DCUN1D4: variants seen among roughly 807,000 people sequenced by gnomAD.
DCUN1D4 encodes the protein defective in cullin neddylation 1 domain containing 4.
A neutral mutation model predicts 47.9 loss-of-function variants in DCUN1D4; 22 were observed. The ratio of observed to expected loss-of-function variants is 0.46; its 90% CI spans 0.33 to 0.66. DCUN1D4 has a LOEUF of 0.66. Ranked by LOEUF, DCUN1D4 falls within the 30% of genes least tolerant of loss-of-function variation. DCUN1D4 has a pLI of 0.02. For missense variants in DCUN1D4, 301 were observed against 340.8 expected (o/e 0.88, Z 0.92); for synonymous variants, 121 against 112.2 (o/e 1.08, Z -0.50).
intron 1 of DCUN1D4, among the ~76,000 whole-genome samples, chr4:51,855,549 G>C (rs903688559): frequency 1.3e-5 from 2 of 152,184 alleles, no homozygotes; most frequent in Non-Finnish European, 2.9e-5. Flanking sequence ...GCCTGTGAAC[G>C]TCAAGGGTCA....
chr4:51,846,570 C>T (rs190654534), intron 1 of DCUN1D4, among the ~76,000 whole-genome samples: 2 of 152,240 alleles, frequency 1.3e-5, no homozygotes, highest in Non-Finnish European at 2.9e-5. Flanking sequence ...CAATCATCAT[C>T]TGCTAATTAT....
intron 8 of DCUN1D4, chr4:51,908,986 G>A: frequency 4.4e-6 from 2 of 456,324 alleles, no homozygotes; most frequent in Admixed American, 2.3e-5. Context: ...GTAAGTGAGT[G>A]CTGTTCAGCT....
At chr4:51,864,611 A>G (rs990744807) in intron 3 of DCUN1D4, among the ~76,000 whole-genome samples, 1 of 152,152 alleles carries the variant, frequency 6.6e-6, no homozygotes, top group African/African-American at 2.4e-5. Context: ...TTCCTCACTG[A>G]TGGTGCCTCT....
intron 3 of DCUN1D4, among the ~76,000 whole-genome samples, chr4:51,866,012 T>C (rs1340363339): frequency 6.6e-6 from 1 of 152,100 alleles, no homozygotes; most frequent in Non-Finnish European, 1.5e-5. Flanking sequence ...TTCTGCTCAT[T>C]TCAGGCTCTC....
At chr4:51,843,400 C>T in intron 1 of DCUN1D4, 133 bp downstream of exon 1, 1 of 1,299,464 alleles carries the variant, frequency 7.7e-7, no homozygotes, top group South Asian at 1.9e-5. Context: ...ACCACCCCTT[C>T]CCCTCCCGGG....
chr4:51,891,584 A>T (rs1419788267), intron 6 of DCUN1D4, among the ~76,000 whole-genome samples, 176 bp from the exon 7 acceptor site: 4 of 152,178 alleles, frequency 2.6e-5, no homozygotes, highest in Admixed American at 2.6e-4. Flanking sequence ...ACTTTTTTAG[A>T]TGTTTGCCAA....
intron 3 of DCUN1D4, among the ~76,000 whole-genome samples, chr4:51,871,549 T>C (rs1274708504): frequency 1.3e-5 from 2 of 152,164 alleles, no homozygotes; most frequent in Admixed American, 6.5e-5. Flanking sequence ...GTTTTGCACA[T>C]GTGGAAGGGG....
chr4:51,906,053 C>T (rs1260758183), intron 8 of DCUN1D4, among the ~76,000 whole-genome samples: 1 of 152,012 alleles, frequency 6.6e-6, no homozygotes, highest in African/African-American at 2.4e-5. Context: ...CTGGAGAGGT[C>T]GCCTTTTCAC....
chr4:51,863,655 A>G lies in DCUN1D4; in HGVS notation c.97-15A>G, dbSNP rs1725442002. 5.0e-6 allele frequency: 8 copies of G among 1,613,092 alleles called. No individual in the cohort carries two copies. Among genetic ancestry groups the G allele is most frequent in the Non-Finnish European group, 5.9e-6 (7 of 1,179,696 alleles). ...GTATGTGATTTCTTCGTAATAACGA[A>G]CATATTTCTTTCAGAACCTAACAGA... On this transcript the variant is annotated splice_polypyrimidine_tract_variant and intron_variant, in intron 2 of 10. Transcript: ENST00000334635.
chr4:51,844,592 T>C (rs925674814), intron 1 of DCUN1D4, among the ~76,000 whole-genome samples: 1 of 151,724 alleles, frequency 6.6e-6, no homozygotes. Flanking sequence ...AATTTCTGGC[T>C]ATCAGGTGTG....
rs927202735 is a variant in DCUN1D4 at position 51,915,152 on chromosome 4, A to G, written c.*1568A>G. 1 of 152,510 alleles carries G rather than the reference A, an allele frequency of 6.6e-6. No homozygotes were observed. The highest frequency in any genetic ancestry group is 2.4e-5 in the African/African-American group (1 of 41,420). 9.4% of individuals were successfully genotyped at this position (152,510 alleles called of 1,614,324 possible). On this transcript the variant is annotated 3_prime_UTR_variant, in exon 11 of 11. Transcript: ENST00000334635. ...ACAGACAGTGCTACTCTTGACCACT[A>G]TTTTACCATTTCTTTGCAAACAGTG...
chr4:51,884,447 AAATGTTATGGG>A (rs1433296901), intron 5 of DCUN1D4: 1 of 152,246 alleles, frequency 6.6e-6, no homozygotes, highest in Non-Finnish European at 1.5e-5. Flanking sequence ...TGTGTCTAAC[AAATGTTATGGG>A]AATGAAATGG....
intron 1 of DCUN1D4, among the ~76,000 whole-genome samples, chr4:51,848,901 A>G (rs914606761): frequency 6.6e-6 from 1 of 152,204 alleles, no homozygotes; most frequent in Non-Finnish European, 1.5e-5. Context: ...GCCCTCTTCA[A>G]ATAGCATTAC....
chr4:51,867,954 C>T (rs760624439), intron 3 of DCUN1D4, among the ~76,000 whole-genome samples: 22 of 152,270 alleles, frequency 1.4e-4, no homozygotes, highest in Non-Finnish European at 3.2e-4. Context: ...CTCTCAGCCC[C>T]CCTCGGCTTC....
intron 8 of DCUN1D4, among the ~76,000 whole-genome samples, chr4:51,900,319 CTAT>C (rs916121551): frequency 2.0e-5 from 3 of 151,994 alleles, no homozygotes; most frequent in African/African-American, 7.3e-5. Flanking sequence ...ATGCATTTTC[CTAT>C]TATTACAACC....
chr4:51,896,169 G>GTT (rs1215735060), intron 7 of DCUN1D4, among the ~76,000 whole-genome samples: 8 of 152,266 alleles, frequency 5.3e-5, no homozygotes, highest in Admixed American at 5.2e-4. Context: ...TATTACTTGT[G>GTT]TTTTTTATGT....
chr4:51,861,574 G>A (rs907341981), intron 1 of DCUN1D4, among the ~76,000 whole-genome samples: 2 of 152,196 alleles, frequency 1.3e-5, no homozygotes, highest in African/African-American at 4.8e-5. Context: ...GCATAGCCTG[G>A]AGAGTTAGAA....
In DCUN1D4 at chr4:51,881,772, T is replaced by C. The variant is rs1728676052; in HGVS notation, c.343+3918T>C. Among the ~76,000 whole-genome samples the C allele has an allele frequency of 2.0e-5, 3 of 152,148 alleles. No individual in the cohort carries two copies. In the South Asian group the frequency reaches 6.2e-4, roughly 32 times the overall value. On this transcript the variant is annotated intron_variant, in intron 5 of 10. Transcript: ENST00000334635. Reference sequence around the variant, plus strand: ...TGTTAGCTTGCTTGACAGAGGTAATTACCTTAATTCTACAGGTAAATTTAG... The same window carrying C: ...TGTTAGCTTGCTTGACAGAGGTAATCACCTTAATTCTACAGGTAAATTTAG...
upstream of DCUN1D4, among the ~76,000 whole-genome samples, chr4:51,842,229 C>G (rs938874365): frequency 6.6e-6 from 1 of 152,100 alleles, no homozygotes; most frequent in Admixed American, 6.5e-5. Flanking sequence ...TAGATGCCGC[C>G]GGGGGTCTTT....
Sources: gnomAD v4.1 joint callset for allele counts (sites outside exome capture counted in the v4.1 genomes callset) on GRCh38, gnomAD v4.1.1 for gene constraint, MANE v1.5 for transcripts, NCBI Gene and HGNC (gene_info 2026-07-23, HGNC 2026-07-21) for gene names.